The following KLHL25 variants were observed in gnomAD, a reference collection of about 807,000 sequenced individuals.
KLHL25 encodes the protein kelch-like protein 25.
In KLHL25, 41 loss-of-function variants were observed where a neutral mutation model predicts 30.0. That is an observed-to-expected ratio of 1.37 (90% CI 1.07 to 1.78). The LOEUF (loss-of-function observed/expected upper bound fraction) is 1.78. KLHL25 is among the 40% of genes most tolerant of loss of function. KLHL25 has a pLI of 0.00. For missense variants in KLHL25, 971 were observed against 824.5 expected (o/e 1.18, Z -2.18); for synonymous variants, 399 against 355.3 (o/e 1.12, Z -1.38).
At position 85,759,552 on chromosome 15, in the gene KLHL25, GAC is replaced by G. The variant is rs1235735883; in HGVS notation, c.*1482_*1483del. On this transcript the variant is annotated 3_prime_UTR_variant, in exon 3 of 3. Transcript: ENST00000337975. Reference sequence around the variant, plus strand: ...CCAAGTGCCTTCGGGCAGCTGGCCTGACACAGGCGGGGTCTGCTGGGTCTACA... The same window carrying G: ...CCAAGTGCCTTCGGGCAGCTGGCCTGACAGGCGGGGTCTGCTGGGTCTACA... 4.6e-5 allele frequency: 7 copies of G among 152,316 alleles called. No homozygotes were observed. Among genetic ancestry groups the G allele is most frequent in the African/African-American group, 1.7e-4 (7 of 41,462 alleles). The allele number at this position is 152,316 out of a possible 1,614,324, so 9.4% of individuals were successfully genotyped here.
intron 1 of KLHL25, among the ~76,000 whole-genome samples, chr15:85,790,790 A>G (rs1455844742): frequency 6.6e-6 from 1 of 152,146 alleles, no homozygotes; most frequent in African/African-American, 2.4e-5. Context: ...CAACTCAGGG[A>G]ACAGGAGACC....
chr15:85,784,011 T>C (rs1387856124), intron 1 of KLHL25, among the ~76,000 whole-genome samples: 1 of 152,194 alleles, frequency 6.6e-6, no homozygotes, highest in African/African-American at 2.4e-5. Context: ...GAGTGTAGCA[T>C]GGTGGGACAC....
chr15:85,785,479 C>G (rs1009597434), intron 1 of KLHL25, among the ~76,000 whole-genome samples: 1 of 152,138 alleles, frequency 6.6e-6, no homozygotes, highest in Non-Finnish European at 1.5e-5. Context: ...TTTCAACCTT[C>G]TGGGCAGTCA....
intron 1 of KLHL25, among the ~76,000 whole-genome samples, chr15:85,772,463 C>T (rs1039105420): frequency 6.6e-6 from 1 of 152,232 alleles, no homozygotes; most frequent in African/African-American, 2.4e-5. Flanking sequence ...TGGGCTTGGA[C>T]ACTCCAAGTG....
intron 1 of KLHL25, among the ~76,000 whole-genome samples, chr15:85,777,846 G>A (rs556214024): frequency 5.3e-4 from 80 of 152,314 alleles, no homozygotes; most frequent in African/African-American, 1.9e-3. Context: ...GAAGCAACAC[G>A]TGCTGCTAAA....
At chr15:85,763,111 AAGAG>A (rs2089594509) in intron 2 of KLHL25, 1 of 152,424 alleles carries the variant, frequency 6.6e-6, no homozygotes, top group African/African-American at 2.4e-5. Context: ...GTGGGAGAGA[AAGAG>A]AGAGAAGGAG....
intron 1 of KLHL25, among the ~76,000 whole-genome samples, chr15:85,776,721 CGAGACCATCCTGGCT>C (rs1156779402): frequency 3.9e-5 from 6 of 151,912 alleles, no homozygotes; most frequent in African/African-American, 1.4e-4. Context: ...GTCAGGAGAT[CGAGACCATCCTGGCT>C]AACACAGTGA....
chr15:85,781,043 C>A (rs1597279249), intron 1 of KLHL25, among the ~76,000 whole-genome samples: 1 of 152,230 alleles, frequency 6.6e-6, no homozygotes, highest in South Asian at 2.1e-4. Flanking sequence ...CTAAAAAAAA[C>A]CAAAGGGGCC....
intron 2 of KLHL25, among the ~76,000 whole-genome samples, chr15:85,767,669 G>T (rs544352419): frequency 1.5e-4 from 23 of 152,320 alleles, no homozygotes; most frequent in African/African-American, 5.1e-4. Flanking sequence ...AGTAAGAGCA[G>T]GCTTGTGTGG....
chr15:85,778,860 G>C (rs781712984), intron 1 of KLHL25, among the ~76,000 whole-genome samples: 6 of 152,130 alleles, frequency 3.9e-5, no homozygotes, highest in Non-Finnish European at 8.8e-5. Flanking sequence ...TCCCGAAGAG[G>C]ATTAAGCTCC....
chr15:85,784,834 C>T (rs1350052733), intron 1 of KLHL25, among the ~76,000 whole-genome samples: 1 of 152,192 alleles, frequency 6.6e-6, no homozygotes, highest in African/African-American at 2.4e-5. Context: ...GTAGAGAACC[C>T]AGTCAGGCCA....
chr15:85,775,864 TAA>T (rs10535328), intron 1 of KLHL25, among the ~76,000 whole-genome samples: 4,562 of 89,090 alleles, frequency 0.051, 242 homozygotes, highest in African/African-American at 0.16. Context: ...ATGGCTCGTT[TAA>T]AAAAAAAAAA....
chr15:85,769,675 T>C lies in KLHL25; in HGVS notation c.136A>G (p.Thr46Ala). ...LNTLRKHCMF[T>A]DVTLWAGDRA... ...TCGCCCGCCCAGAGTGTGACGTCGGTGAACATGCAGTGCTTGCGAAGCGTG... is the reference window on the plus strand; with the variant it reads ...TCGCCCGCCCAGAGTGTGACGTCGGCGAACATGCAGTGCTTGCGAAGCGTG... Residue 46 changes from threonine (T) to alanine (A), a missense_variant, in exon 2 of 3, where the codon ACC becomes GCC. Thr to Ala is a moderately conservative substitution (Grantham distance 58). Coordinates refer to ENST00000337975, the MANE Select transcript of KLHL25 (RefSeq NM_022480.4). 6.2e-7 allele frequency: 1 copy of C among 1,613,838 alleles called. No homozygotes were observed. Among genetic ancestry groups the C allele is most frequent in the African/African-American group, 1.3e-5 (1 of 75,038 alleles).
chr15:85,767,621 T>A (rs2089633483), intron 2 of KLHL25, among the ~76,000 whole-genome samples: 1 of 152,036 alleles, frequency 6.6e-6, no homozygotes, highest in Non-Finnish European at 1.5e-5. Context: ...TGACCGAGGG[T>A]GGTTTGGGAG....
At position 85,769,007 on chromosome 15, in the gene KLHL25, C is replaced by G; in HGVS notation, c.804G>C (p.Glu268Asp). 1 of 1,611,596 alleles carries G rather than the reference C, an allele frequency of 6.2e-7. No individual in the cohort carries two copies. The change falls in exon 2 of 3, where the codon GAG becomes GAC. Residue 268 changes from glutamate (E) to aspartate (D), a missense_variant. By Grantham distance (45) the Glu-to-Asp change is conservative. Coordinates refer to ENST00000337975, the MANE Select transcript of KLHL25 (RefSeq NM_022480.4). ...ADERTKLIMD[E>D]ALRCKTRILQ... The stretch of plus-strand genomic sequence containing the variant: ...GGATCCTGGTCTTGCAGCGCAGGGC[C>G]TCATCCATGATAAGCTTGGTGCGCT...
intron 1 of KLHL25, among the ~76,000 whole-genome samples, chr15:85,771,423 C>G (rs2089671536): frequency 1.3e-5 from 2 of 152,318 alleles, no homozygotes; most frequent in South Asian, 4.1e-4. Context: ...AGGTAATAAT[C>G]TGGTAAAGGT....
intron 1 of KLHL25, among the ~76,000 whole-genome samples, chr15:85,784,872 G>T (rs1035097494): frequency 1.3e-5 from 2 of 152,180 alleles, no homozygotes; most frequent in African/African-American, 4.8e-5. Context: ...ACAGAACTGT[G>T]CATTAATCAA....
intron 1 of KLHL25, among the ~76,000 whole-genome samples, chr15:85,791,884 C>T (rs2089819762): frequency 6.6e-6 from 1 of 152,166 alleles, no homozygotes; most frequent in Non-Finnish European, 1.5e-5. Context: ...CATTTGAACC[C>T]CAGTCTGGTG....
chr15:85,768,213 G>A lies in KLHL25; in HGVS notation c.1598C>T (p.Ala533Val). ...DMTAKRMSCHALASGNKLYVV... is the reference protein window; with the variant it reads ...DMTAKRMSCHVLASGNKLYVV... Reference sequence around the variant, plus strand: ...ATAGAGCTTGTTGCCGGAAGCCAGGGCATGGCAGGACATGCGCTTGGCAGT... The same window carrying A: ...ATAGAGCTTGTTGCCGGAAGCCAGGACATGGCAGGACATGCGCTTGGCAGT... Residue 533 changes from alanine to valine, a missense_variant, in exon 2 of 3, where the codon GCC becomes GTC. By Grantham distance (64) the Ala-to-Val change is moderately conservative (BLOSUM62 0). Coordinates refer to ENST00000337975, the MANE Select transcript of KLHL25 (RefSeq NM_022480.4). The A allele has an allele frequency of 6.2e-7, 1 of 1,614,184 alleles. No individual in the cohort carries two copies. The highest frequency in any genetic ancestry group is 8.5e-7 in the Non-Finnish European group (1 of 1,180,048).
Sources: gnomAD v4.1 joint callset for allele counts (sites outside exome capture counted in the v4.1 genomes callset) on GRCh38, gnomAD v4.1.1 for gene constraint, MANE v1.5 for transcripts, NCBI Gene and HGNC (gene_info 2026-07-23, HGNC 2026-07-21) for gene names.